LAMC1: variants seen among roughly 807,000 people sequenced by gnomAD.
LAMC1 encodes laminin subunit gamma 1, also known as laminin subunit gamma-1.
A neutral mutation model predicts 173.6 loss-of-function variants in LAMC1; 38 were observed. That is an observed-to-expected ratio of 0.22 (90% CI 0.17 to 0.29). The LOEUF (loss-of-function observed/expected upper bound fraction) is 0.29. Ranked by LOEUF, LAMC1 falls within the 10% of genes least tolerant of loss-of-function variation. The pLI is 1.00. For missense variants in LAMC1, 1,824 were observed against 2,051.8 expected (o/e 0.89, Z 2.14); for synonymous variants, 746 against 749.1 (o/e 1.00, Z 0.07).
In LAMC1 at chr1:183,145,549, CAG is replaced by C. The variant is rs1657234560; in HGVS notation, c.*2760_*2761del. ...TGGCATTTTTATGTTTTAAGAAAAA[CAG>C]TATTTTATTTATAATAAAATCTGAA... On this transcript the variant is annotated 3_prime_UTR_variant, in exon 28 of 28. Coordinates refer to ENST00000258341, the MANE Select transcript of LAMC1 (RefSeq NM_002293.4). The C allele has an allele frequency of 6.6e-6, 1 of 152,424 alleles. No homozygotes were observed. Among genetic ancestry groups the C allele is most frequent in the Non-Finnish European group, 1.5e-5 (1 of 68,018 alleles). 9.4% of individuals were successfully genotyped at this position (152,424 alleles called of 1,614,324 possible).
In LAMC1 at chr1:183,143,833, GTTC is replaced by G. The variant is rs1465551438; in HGVS notation, c.*1048_*1050del. Reference sequence around the variant, plus strand: ...CTGTCAGAATCCCGTGTATCCATTTGTTCTTCTGTTGGAGAGATGAGACATTTG... The same window carrying G: ...CTGTCAGAATCCCGTGTATCCATTTGTTCTGTTGGAGAGATGAGACATTTG... On this transcript the variant is annotated 3_prime_UTR_variant, in exon 28 of 28. Transcript: ENST00000258341. 1.3e-5 allele frequency: 2 copies of G among 152,150 alleles called. No individual in the cohort carries two copies. Among genetic ancestry groups the G allele is most frequent in the Admixed American group, 6.5e-5 (1 of 15,280 alleles). The allele number at this position is 152,150 out of a possible 1,614,324, so 9.4% of individuals were successfully genotyped here.
Position 183,125,428 on chromosome 1 carries a change from G to A in LAMC1, c.2679G>A (p.Lys893=). 1 of 1,614,124 alleles carries A rather than the reference G, an allele frequency of 6.2e-7. No homozygotes were observed. The highest frequency in any genetic ancestry group is 8.5e-7 in the Non-Finnish European group (1 of 1,179,998). Residue 893 remains lysine (K), a synonymous_variant, in exon 15 of 28, where the codon AAG becomes AAA. Transcript: ENST00000258341. Reference sequence around the variant, plus strand: ...ATTGCAATCTGTATGGGACCATGAAGCAGCAGAGCAGCTGTAACCCCGTGA... The same window carrying A: ...ATTGCAATCTGTATGGGACCATGAAACAGCAGAGCAGCTGTAACCCCGTGA... ...ACNCNLYGTM[K]QQSSCNPVTG...
At chr1:183,121,243 A>C (rs1656462817) in intron 11 of LAMC1, among the ~76,000 whole-genome samples, 1 of 144,052 alleles carries the variant, frequency 6.9e-6, no homozygotes, top group African/African-American at 2.5e-5. Context: ...ACATGGTGAA[A>C]CCCTGTCTCT....
At chr1:183,118,641 T>A (rs979869721) in intron 11 of LAMC1, among the ~76,000 whole-genome samples, 2 of 151,704 alleles carry the variant, frequency 1.3e-5, no homozygotes, top group African/African-American at 4.8e-5. Flanking sequence ...GAGATTCGCT[T>A]AAACCCGGGA....
At chr1:183,116,080 A>C (rs1246593639) in intron 6 of LAMC1, among the ~76,000 whole-genome samples, 2 of 150,984 alleles carry the variant, frequency 1.3e-5, no homozygotes, top group African/African-American at 4.9e-5. Flanking sequence ...CAGTGAGCCG[A>C]GATCGCGCCA....
intron 1 of LAMC1, among the ~76,000 whole-genome samples, chr1:183,031,634 G>A (rs1417955433): frequency 1.3e-5 from 2 of 152,128 alleles, no homozygotes; most frequent in Admixed American, 1.3e-4. Flanking sequence ...TTTTCCTACT[G>A]GACTTTATTG....
intron 1 of LAMC1, among the ~76,000 whole-genome samples, chr1:183,049,699 A>G (rs1654362185): frequency 1.3e-5 from 2 of 151,974 alleles, no homozygotes. Context: ...CCTGACCCCA[A>G]GTGATCCACC....
intron 1 of LAMC1, among the ~76,000 whole-genome samples, chr1:183,093,259 A>G (rs1571435062): frequency 6.6e-6 from 1 of 152,214 alleles, no homozygotes; most frequent in East Asian, 1.9e-4. Context: ...GTTCTAACAA[A>G]GCACTTCAAG....
intron 1 of LAMC1, among the ~76,000 whole-genome samples, chr1:183,055,549 C>T (rs1047211754): frequency 1.3e-5 from 2 of 151,918 alleles, no homozygotes; most frequent in African/African-American, 2.4e-5. Context: ...TGCAGTGGCT[C>T]ATGCCTGTAA....
chr1:183,119,407 T>C (rs923191984), intron 11 of LAMC1, among the ~76,000 whole-genome samples: 2 of 152,102 alleles, frequency 1.3e-5, no homozygotes, highest in Non-Finnish European at 2.9e-5. Context: ...AGGAAGAGAT[T>C]AGGACTAGCG....
In LAMC1 at chr1:183,091,626, A is replaced by T. The variant is rs527745071; in HGVS notation, c.419-11702A>T. Among the ~76,000 whole-genome samples the T allele has an allele frequency of 4.5e-3, 682 of 152,304 alleles. 8 individuals carry two copies. The highest frequency in any genetic ancestry group is 0.016 in the African/African-American group (647 of 41,558). On this transcript the variant is annotated intron_variant, in intron 1 of 27. Coordinates refer to ENST00000258341, the MANE Select transcript of LAMC1 (RefSeq NM_002293.4). ...TCTGAAAAATAAATATTTCTATGCTAGTCTGTAGCCAACAGAATGTAACAC... is the reference window on the plus strand; with the variant it reads ...TCTGAAAAATAAATATTTCTATGCTTGTCTGTAGCCAACAGAATGTAACAC...
rs1309900986 is a variant in LAMC1 at position 183,116,836 on chromosome 1, G to A, written c.1497G>A (p.Gly499=). 2.5e-6 allele frequency: 4 copies of A among 1,613,746 alleles called. No homozygotes were observed. The African/African-American group carries it at 4.0e-5, about 16-fold the overall frequency. Residue 499 remains glycine, a synonymous_variant, in exon 8 of 28, where the codon GGG becomes GGA. Transcript: ENST00000258341. ...PRGCTPCFCF[G]HSSVCTNAVG... is the part of the protein sequence containing the mutation. Reference sequence around the variant, plus strand: ...GTTGCACACCCTGCTTCTGCTTTGGGCATTCTTCTGTCTGTACAAACGCTG... The same window carrying A: ...GTTGCACACCCTGCTTCTGCTTTGGACATTCTTCTGTCTGTACAAACGCTG...
In LAMC1 at chr1:183,130,399, C is replaced by T. The variant is rs1312085421; in HGVS notation, c.3336C>T (p.Ser1112=). 1 of 1,614,146 alleles carries T rather than the reference C, an allele frequency of 6.2e-7. No homozygotes were observed. The highest frequency in any genetic ancestry group is 8.5e-7 in the Non-Finnish European group (1 of 1,180,014). Residue 1112 remains serine (S), a synonymous_variant, in exon 19 of 28, where the codon AGC becomes AGT. Transcript: ENST00000258341. ...RLQRVNNTLS[S]QISRLQNIRN... ...AGAGAGTGAATAACACTCTGTCCAGCCAAATTAGCCGTTTACAGAATATCC... is the reference window on the plus strand; with the variant it reads ...AGAGAGTGAATAACACTCTGTCCAGTCAAATTAGCCGTTTACAGAATATCC...
Position 183,136,418 on chromosome 1 carries a change from G to T in LAMC1, c.4147G>T (p.Ala1383Ser), listed in dbSNP as rs1196654859. Residue 1383 changes from alanine (A) to serine (S), a missense_variant, in exon 25 of 28, where the codon GCC becomes TCC. By Grantham distance (99) the Ala-to-Ser change is moderately conservative. Transcript: ENST00000258341. ...TAGGCGTGTGAACGATAACAAGACG[G>T]CCGCAGAGGAGGCACTAAGGAAGAT... ...FDRRVNDNKT[A>S]AEEALRKIPA... The T allele has an allele frequency of 3.7e-6, 6 of 1,614,168 alleles. No homozygotes were observed. The highest frequency in any genetic ancestry group is 1.6e-4 in the Middle Eastern group (1 of 6,062).
chr1:183,106,031 A>G (rs1031254983), intron 2 of LAMC1, among the ~76,000 whole-genome samples: 5 of 152,224 alleles, frequency 3.3e-5, no homozygotes, highest in African/African-American at 9.6e-5. Context: ...CCCTCACAGT[A>G]ACCCTGTAAG....
chr1:183,098,142 G>A (rs951450240), intron 1 of LAMC1, among the ~76,000 whole-genome samples: 2 of 152,052 alleles, frequency 1.3e-5, no homozygotes, highest in African/African-American at 4.8e-5. Flanking sequence ...TAGAAGACCT[G>A]GTCCAGTTTT....
chr1:183,049,574 C>G (rs1654357545), intron 1 of LAMC1, among the ~76,000 whole-genome samples: 1 of 151,954 alleles, frequency 6.6e-6, no homozygotes, highest in South Asian at 2.1e-4. Context: ...AGCAATTCTC[C>G]TGCCTCAGCC....
chr1:183,072,586 T>C (rs549915724), intron 1 of LAMC1, among the ~76,000 whole-genome samples: 31 of 152,300 alleles, frequency 2.0e-4, no homozygotes, highest in Non-Finnish European at 3.7e-4. Flanking sequence ...TGAATGTCTT[T>C]TGGGTATTGC....
intron 11 of LAMC1, among the ~76,000 whole-genome samples, chr1:183,121,432 T>C (rs1656470687): frequency 6.6e-6 from 1 of 151,878 alleles, no homozygotes; most frequent in Admixed American, 6.6e-5. Context: ...TCTCAATAAA[T>C]AAATATATAT....
Sources: allele counts gnomAD v4.1 joint callset (sites outside exome capture counted in the v4.1 genomes callset), GRCh38; gene constraint gnomAD v4.1.1; transcripts MANE v1.5; gene names NCBI Gene and HGNC (gene_info 2026-07-23, HGNC 2026-07-21).